Variants in ELAVL3 observed in about 807,000 individuals in gnomAD.
ELAVL3 encodes ELAV-like protein 3.
In ELAVL3, 8 loss-of-function variants were observed where a neutral mutation model predicts 34.2. That is an observed-to-expected ratio of 0.23 (90% CI 0.14 to 0.42). The LOEUF is 0.42. ELAVL3 is among the 10% of genes least tolerant of loss of function. The probability of loss-of-function intolerance (pLI) is 1.00; values close to 1 mark genes in which losing one functional copy is unlikely to be tolerated. For missense variants in ELAVL3, 273 were observed against 518.8 expected, an observed-to-expected ratio of 0.53 and a Z score of 4.60; for synonymous variants, 209 against 222.1, an observed-to-expected ratio of 0.94 and a Z score of 0.53.
rs1489141849 is a variant in ELAVL3, at chr19:11,451,895, C to CT, written c.*2630dup. The stretch of plus-strand genomic sequence containing the variant: ...CAGCCCTTATTGCTCGGACGCCCTG[C>CT]TGCAAGCTTCCCACGCGGACGTGCG... On this transcript the variant is annotated 3_prime_UTR_variant, in exon 7 of 7. Coordinates refer to ENST00000359227, the MANE Select transcript of ELAVL3 (RefSeq NM_001420.4). The CT allele has an allele frequency of 1.3e-5, 2 of 152,032 alleles. No homozygotes were observed. Among genetic ancestry groups the CT allele is most frequent in the Non-Finnish European group, 1.5e-5 (1 of 67,950 alleles). 9.4% of individuals were successfully genotyped at this position (152,032 alleles called of 1,614,324 possible). A position where few individuals can be genotyped will look rare whatever the true frequency, so the allele number is the denominator to read the frequency against.
At chr19:11,479,638 C>T (rs1002500443) in intron 1 of ELAVL3, among the ~76,000 whole-genome samples, 2 of 151,508 alleles carry the variant, frequency 1.3e-5, no homozygotes, top group African/African-American at 4.8e-5. Context: ...GAGGCCGGGC[C>T]CCCGGGGCCC....
In ELAVL3 at chr19:11,466,233, T is replaced by A; in HGVS notation, c.272A>T (p.Asn91Ile). 6.2e-7 allele frequency: 1 copy of A among 1,613,880 alleles called. No homozygotes were observed. The highest frequency in any genetic ancestry group is 1.3e-5 in the African/African-American group (1 of 74,970). The part of the protein sequence containing the change: ...GYGFVNYSDP[N>I]DADKAINTLN... ...GGTGTTGATGGCTTTGTCTGCATCA[T>A]TGGGGTCAGAATAGTTCACAAACCC... is the stretch of plus-strand genomic sequence containing the variant. Residue 91 changes from asparagine to isoleucine, a missense_variant, in exon 3 of 7, where the codon AAT (asparagine) becomes ATT (isoleucine). By Grantham distance (149) the Asn-to-Ile change is moderately radical. Transcript: ENST00000359227. This position sits in a 1 kb window ranked among gnomAD's most constrained non-coding sequence, Gnocchi z 5.0.
intron 1 of ELAVL3, among the ~76,000 whole-genome samples, chr19:11,479,913 G>A (rs972996721): frequency 5.3e-5 from 8 of 151,644 alleles, no homozygotes; most frequent in African/African-American, 1.9e-4. Context: ...AGACCCGGGA[G>A]CCCAGAGGTG....
intron 5 of ELAVL3, 83 bp downstream of exon 5, chr19:11,457,978 C>T: frequency 3.4e-6 from 5 of 1,450,404 alleles, no homozygotes; most frequent in Non-Finnish European, 4.7e-6. Context: ...CGGCATCCCT[C>T]CCTTCGGCAG....
intron 3 of ELAVL3, among the ~76,000 whole-genome samples, chr19:11,463,138 C>T (rs1970926497): frequency 6.6e-6 from 1 of 152,058 alleles, no homozygotes; most frequent in Non-Finnish European, 1.5e-5. Context: ...GGTCCAACAC[C>T]GTCTGAGACA....
intron 1 of ELAVL3, among the ~76,000 whole-genome samples, chr19:11,477,146 C>T (rs1358135443): frequency 1.3e-5 from 2 of 152,190 alleles, no homozygotes; most frequent in East Asian, 3.8e-4. Flanking sequence ...AGACTCCACC[C>T]TCCTCATGCT....
In ELAVL3 at chr19:11,466,333, C is replaced by A. The variant is rs941665678; in HGVS notation, c.230-58G>T. 1.5e-5 allele frequency: 22 copies of A among 1,483,134 alleles called. No individual in the cohort carries two copies. The highest frequency in any genetic ancestry group is 1.8e-5 in the Non-Finnish European group (19 of 1,062,502). The allele number at this position is 1,483,134 out of a possible 1,614,324, so 91.9% of individuals were successfully genotyped here. On this transcript the variant is annotated intron_variant, in intron 2 of 6. Coordinates refer to ENST00000359227, the MANE Select transcript of ELAVL3 (RefSeq NM_001420.4). This position sits in a 1 kb window ranked among gnomAD's most constrained non-coding sequence, Gnocchi z 5.0. ...CCCAGCCTTGACACCTGCCAGTGTC[C>A]CACCTCAGGCCTGAGAGACTGTCCC...
At chr19:11,462,052 G>A (rs1176493376) in intron 3 of ELAVL3, among the ~76,000 whole-genome samples, 1 of 151,648 alleles carries the variant, frequency 6.6e-6, no homozygotes, top group Non-Finnish European at 1.5e-5. Context: ...GCGGGTGCCT[G>A]TAATCCCAGC....
At chr19:11,469,822 C>T (rs1210594845) in intron 1 of ELAVL3, among the ~76,000 whole-genome samples, 1 of 152,122 alleles carries the variant, frequency 6.6e-6, no homozygotes, top group Admixed American at 6.6e-5. Flanking sequence ...CTTTGGGAGG[C>T]CAAGGTGGAC....
rs1402389523 is a variant in ELAVL3 at position 11,451,601 on chromosome 19, G to A, written c.*2925C>T. 6.6e-6 allele frequency: 1 copy of A among 151,458 alleles called. No homozygotes were observed. Among genetic ancestry groups the A allele is most frequent in the Non-Finnish European group, 1.5e-5 (1 of 67,740 alleles). The allele number at this position is 151,458 out of a possible 1,614,324, so 9.4% of individuals were successfully genotyped here. ...ACAGGATGAAGGGAGGGGTGGAGGG[G>A]CTGAGCCCCCTCCCCCCTGGCCTGG... is the stretch of plus-strand genomic sequence containing the variant. On this transcript the variant is annotated 3_prime_UTR_variant, in exon 7 of 7. Transcript: ENST00000359227.
At position 11,454,622 on chromosome 19, in the gene ELAVL3, G is replaced by A. The variant is rs765748795; in HGVS notation, c.1008C>T (p.Asp336=). ...GGCTGGCGATGGCCATGGCCGCCTCGTCATAGTTGGTCATGGTCACGAAGC... is the reference window on the plus strand; with the variant it reads ...GGCTGGCGATGGCCATGGCCGCCTCATCATAGTTGGTCATGGTCACGAAGC... ...GFGFVTMTNY[D]EAAMAIASLN... Residue 336 remains aspartate (D), a synonymous_variant, in exon 7 of 7, where the codon GAC becomes GAT. Transcript: ENST00000359227. This position sits in a 1 kb window ranked among gnomAD's most constrained non-coding sequence, Gnocchi z 9.2. 51 of 1,614,076 alleles carry A rather than the reference G, an allele frequency of 3.2e-5. No homozygotes were observed. The South Asian group carries it at 4.7e-4, about 15-fold the overall frequency.
At position 11,480,309 on chromosome 19, in the gene ELAVL3, C is replaced by A. The variant is rs1971349865; in HGVS notation, c.9+291G>T. On this transcript the variant is annotated intron_variant, in intron 1 of 6. Transcript: ENST00000359227. The surrounding 1 kb of genome is among the most constrained non-coding windows in gnomAD (Gnocchi z 6.8). ...AGCATCCTTAGCCGCCGCGGCCCCT[C>A]CCCCATCAGGCCTGCTGGAGAGGGG... 2 of 374,418 alleles carry A rather than the reference C, an allele frequency of 5.3e-6. No homozygotes were observed. The highest frequency in any genetic ancestry group is 4.2e-5 in the African/African-American group (2 of 47,772). 23.2% of individuals were successfully genotyped at this position (374,418 alleles called of 1,614,324 possible).
chr19:11,462,036 G>T lies in ELAVL3; in HGVS notation c.334-3425C>A, dbSNP rs185252535. ...TAAAAATACAAAAAATTAGCCAGGCGTGGTGGCGGGTGCCTGTAATCCCAG... is the reference window on the plus strand; with the variant it reads ...TAAAAATACAAAAAATTAGCCAGGCTTGGTGGCGGGTGCCTGTAATCCCAG... On this transcript the variant is annotated intron_variant, in intron 3 of 6. Transcript: ENST00000359227. Among the ~76,000 whole-genome samples the T allele has an allele frequency of 6.1e-3, 926 of 152,080 alleles. 7 individuals are homozygous for T. The highest frequency in any genetic ancestry group is 0.021 in the African/African-American group (886 of 41,490).
chr19:11,459,735 G>A (rs187716844), intron 3 of ELAVL3, among the ~76,000 whole-genome samples: 8 of 152,030 alleles, frequency 5.3e-5, no homozygotes, highest in Non-Finnish European at 8.8e-5. Context: ...ATTGAAAGAC[G>A]GAGTCTTGCT....
chr19:11,476,560 A>G (rs1223400325), intron 1 of ELAVL3, among the ~76,000 whole-genome samples: 1 of 152,056 alleles, frequency 6.6e-6, no homozygotes, highest in Non-Finnish European at 1.5e-5. Flanking sequence ...GAAAAAAAAA[A>G]AAATGAAGGA....
intron 1 of ELAVL3, among the ~76,000 whole-genome samples, chr19:11,478,429 C>G (rs147425395): frequency 6.6e-6 from 1 of 152,154 alleles, no homozygotes; most frequent in Non-Finnish European, 1.5e-5. Context: ...CCTGCCCCAG[C>G]CTGCAGTAAG....
chr19:11,474,458 G>A (rs1245863558), intron 1 of ELAVL3, among the ~76,000 whole-genome samples: 1 of 152,166 alleles, frequency 6.6e-6, no homozygotes, highest in African/African-American at 2.4e-5. Flanking sequence ...TTAGCCAGGC[G>A]TAGTGGTGGG....
intron 1 of ELAVL3, among the ~76,000 whole-genome samples, chr19:11,469,440 C>G (rs1234066270): frequency 6.6e-6 from 1 of 151,956 alleles, no homozygotes; most frequent in Non-Finnish European, 1.5e-5. Context: ...GCCACCATGC[C>G]CGGCTAATTT....
In ELAVL3 at chr19:11,454,464, TCTCTTTC is replaced by T; in HGVS notation, c.*55_*61del. 2.2e-6 allele frequency: 3 copies of T among 1,381,586 alleles called. No homozygotes were observed. Among genetic ancestry groups the T allele is most frequent in the Non-Finnish European group, 2.9e-6 (3 of 1,040,346 alleles). The allele number at this position is 1,381,586 out of a possible 1,614,324, so 85.6% of individuals were successfully genotyped here. A position where few individuals can be genotyped will look rare whatever the true frequency, so the allele number is the denominator to read the frequency against. On this transcript the variant is annotated 3_prime_UTR_variant, in exon 7 of 7. Transcript: ENST00000359227. The surrounding 1 kb of genome is among the most constrained non-coding windows in gnomAD (Gnocchi z 9.2). Reference sequence around the variant, plus strand: ...CTTGGGCCCCTTCTCTCTCTCTCTCTCTCTTTCTCTCTCTCTCTCTCTGCTGCCCGGG... The same window carrying T: ...CTTGGGCCCCTTCTCTCTCTCTCTCTTCTCTCTCTCTCTCTGCTGCCCGGG...
Sources: allele counts gnomAD v4.1 joint callset (sites outside exome capture counted in the v4.1 genomes callset), GRCh38; gene constraint gnomAD v4.1.1; non-coding constraint Gnocchi (gnomAD v3.1); transcripts MANE v1.5; gene names NCBI Gene and HGNC (gene_info 2026-07-23, HGNC 2026-07-21).